The following RNF169 variants were observed in gnomAD, a reference collection of about 807,000 sequenced individuals.
RNF169 encodes ring finger protein 169.
A neutral mutation model predicts 53.9 loss-of-function variants in RNF169; 24 were observed. The observed-to-expected ratio is 0.45, with a 90% CI of 0.32 to 0.63. The LOEUF is 0.63. RNF169 is among the 20% of genes least tolerant of loss of function. The pLI is 0.04. For synonymous variants in RNF169, 396 were observed against 363.5 expected, an observed-to-expected ratio of 1.09 and a Z score of -1.02; for missense variants, 883 against 906.2, an observed-to-expected ratio of 0.97 and a Z score of 0.33.
Position 74,748,916 on chromosome 11 carries a change from C to T in RNF169, c.36C>T (p.Ser12=), listed in dbSNP as rs770749329. The part of the protein sequence containing the change: ...AAAGPSTRAS[S]AAAAAALSRR... ...CAGGTCCGAGTACTCGGGCCTCTTC[C>T]GCGGCGGCAGCAGCCGCTCTGAGTC... The change falls in exon 1 of 6, where the codon TCC becomes TCT. Residue 12 remains serine, a synonymous_variant. Transcript: ENST00000299563. The T allele has an allele frequency of 2.8e-6, 4 of 1,449,414 alleles. No homozygotes were observed. The highest frequency in any genetic ancestry group is 2.9e-5 in the East Asian group (1 of 34,502). 89.8% of individuals were successfully genotyped at this position (1,449,414 alleles called of 1,614,324 possible). A position where few individuals can be genotyped will look rare whatever the true frequency, so the allele number is the denominator to read the frequency against.
intron 2 of RNF169, among the ~76,000 whole-genome samples, chr11:74,809,974 G>A (rs2035853550): frequency 6.6e-6 from 1 of 152,202 alleles, no homozygotes; most frequent in South Asian, 2.1e-4. Context: ...AGAATGCAGA[G>A]CAGTTAAATC....
At position 74,835,707 on chromosome 11, in the gene RNF169, C is replaced by A; in HGVS notation, c.1104C>A (p.Ser368Arg). The A allele has an allele frequency of 6.2e-7, 1 of 1,614,172 alleles. No homozygotes were observed. Among genetic ancestry groups the A allele is most frequent in the South Asian group, 1.1e-5 (1 of 91,066 alleles). The change falls in exon 6 of 6, where the codon AGC (serine) becomes AGA (arginine). Residue 368 changes from serine (S) to arginine (R), a missense_variant. Ser to Arg is a moderately radical substitution (Grantham distance 110, BLOSUM62 -1). Transcript: ENST00000299563. Reference protein sequence around the residue: ...ASLHKPERSVSPESNDSISEE... With the variant: ...ASLHKPERSVRPESNDSISEE... ...TGCATAAGCCAGAGCGTTCTGTCAG[C>A]CCTGAGAGCAATGACAGCATCTCCG...
At chr11:74,757,271 GT>G (rs1281842182) in intron 1 of RNF169, among the ~76,000 whole-genome samples, 3 of 121,766 alleles carry the variant, frequency 2.5e-5, no homozygotes, top group Non-Finnish European at 5.0e-5. Context: ...TCTTGCGATA[GT>G]TTACTGAGAA....
intron 1 of RNF169, among the ~76,000 whole-genome samples, chr11:74,779,264 G>A (rs1226835359): frequency 6.6e-6 from 1 of 152,110 alleles, no homozygotes; most frequent in Non-Finnish European, 1.5e-5. Flanking sequence ...ATTTCTGTTT[G>A]ATTAGTACTT....
chr11:74,764,621 T>C (rs542838619), intron 1 of RNF169, among the ~76,000 whole-genome samples: 34 of 152,196 alleles, frequency 2.2e-4, no homozygotes, highest in African/African-American at 8.2e-4. Context: ...CTAAAGCATA[T>C]AGTGCAGGAA....
intron 1 of RNF169, among the ~76,000 whole-genome samples, chr11:74,755,170 C>A (rs945601772): frequency 5.9e-5 from 9 of 152,282 alleles, no homozygotes; most frequent in Non-Finnish European, 1.3e-4. Flanking sequence ...TTGAGAGTGT[C>A]CTTATGTGTT....
At chr11:74,827,768 T>A (rs981805912) in intron 4 of RNF169, among the ~76,000 whole-genome samples, 1 of 152,130 alleles carries the variant, frequency 6.6e-6, no homozygotes, top group Non-Finnish European at 1.5e-5. Context: ...TGGCCTTCGA[T>A]AAAATTCAGC....
At chr11:74,780,421 G>C (rs1591400423) in intron 1 of RNF169, among the ~76,000 whole-genome samples, 1 of 152,242 alleles carries the variant, frequency 6.6e-6, no homozygotes. Flanking sequence ...GCCTTTGCTT[G>C]TGAAGTTTCC....
chr11:74,811,191 C>T (rs772822300), intron 3 of RNF169, among the ~76,000 whole-genome samples: 12 of 151,924 alleles, frequency 7.9e-5, no homozygotes, highest in Non-Finnish European at 1.0e-4. Flanking sequence ...AGCATTGTAA[C>T]TGTTTGTACA....
chr11:74,821,423 C>T lies in RNF169; in HGVS notation c.842+3709C>T, dbSNP rs907722337. On this transcript the variant is annotated intron_variant, in intron 4 of 5. Transcript: ENST00000299563. ...CCTGTAATCCCAGCACTTTGGGAGG[C>T]CGAGGCGGGCGGATCACGAGGTCAG... Among the ~76,000 whole-genome samples the T allele has an allele frequency of 1.7e-4, 12 of 69,466 alleles. 1 individual carries two copies. Among genetic ancestry groups the T allele is most frequent in the Non-Finnish European group, 2.9e-4 (12 of 41,048 alleles). The allele number at this position is 69,466 out of a possible 152,430, so 45.6% of individuals were successfully genotyped here.
chr11:74,772,903 TC>T (rs2035281197), intron 1 of RNF169, among the ~76,000 whole-genome samples: 1 of 152,204 alleles, frequency 6.6e-6, no homozygotes. Flanking sequence ...TACTAAAAGT[TC>T]CAAAGCTATT....
intron 1 of RNF169, among the ~76,000 whole-genome samples, chr11:74,789,333 AT>A (rs1186365138): frequency 4.6e-5 from 7 of 152,154 alleles, no homozygotes; most frequent in Admixed American, 1.3e-4. Context: ...TGGGGAGACT[AT>A]TTTCTATAAC....
At position 74,789,660 on chromosome 11, in the gene RNF169, G is replaced by C. The variant is rs1321682617; in HGVS notation, c.537G>C (p.Lys179Asn). The change falls in exon 2 of 6, where the codon AAG (lysine) becomes AAC (asparagine). Residue 179 changes from lysine to asparagine, a missense_variant. By Grantham distance (94) the Lys-to-Asn change is moderately conservative. Around this residue, in one of 3 missense-constraint regions of RNF169, gnomAD observed 313 missense variants for 279.9 expected, o/e 1.12. Transcript: ENST00000299563. ...FIFRAPIKLSKPGELREEYES... is the reference protein window; with the variant it reads ...FIFRAPIKLSNPGELREEYES... ...TCAGAGCACCAATCAAATTAAGCAA[G>C]CCTGGGGAACTTCGTGAGGAATATG... 6.2e-7 allele frequency: 1 copy of C among 1,609,574 alleles called. No individual in the cohort carries two copies. The highest frequency in any genetic ancestry group is 1.1e-5 in the South Asian group (1 of 90,812).
chr11:74,830,875 GA>G (rs2036167724), intron 4 of RNF169: 1 of 152,034 alleles, frequency 6.6e-6, no homozygotes, highest in Non-Finnish European at 1.5e-5. Flanking sequence ...AGCATACGAA[GA>G]TCAATGTAAT....
intron 1 of RNF169, among the ~76,000 whole-genome samples, chr11:74,779,068 C>T (rs901877523): frequency 5.3e-5 from 8 of 152,160 alleles, no homozygotes; most frequent in African/African-American, 1.9e-4. Context: ...TAACCATTTT[C>T]TCAGTATTGG....
chr11:74,819,650 AGGAG>A (rs887331140), intron 4 of RNF169, among the ~76,000 whole-genome samples: 2 of 152,142 alleles, frequency 1.3e-5, no homozygotes, highest in Admixed American at 6.5e-5. Flanking sequence ...GAGGGCCTCT[AGGAG>A]GGAGGGCTCT....
chr11:74,804,015 A>G (rs144106937), intron 2 of RNF169, among the ~76,000 whole-genome samples: 3 of 152,298 alleles, frequency 2.0e-5, no homozygotes, highest in African/African-American at 7.2e-5. Context: ...TCATTTCATT[A>G]TGACATTGAT....
intron 1 of RNF169, among the ~76,000 whole-genome samples, chr11:74,749,720 T>C (rs573793950): frequency 6.6e-6 from 1 of 152,148 alleles, no homozygotes; most frequent in East Asian, 1.9e-4. Context: ...GTGCTTGGTT[T>C]AATGTTGGAT....
chr11:74,834,835 C>T (rs2036229704), intron 5 of RNF169, 60 bp downstream of exon 5: 2 of 1,117,404 alleles, frequency 1.8e-6, no homozygotes, highest in African/African-American at 1.6e-5. Context: ...CCCCTCTGCA[C>T]ATGGTCATGA....
Sources: gnomAD v4.1 joint callset for allele counts (sites outside exome capture counted in the v4.1 genomes callset) on GRCh38, gnomAD v4.1.1 for gene constraint, gnomAD v4.1.1 regional missense constraint, MANE v1.5 for transcripts, NCBI Gene and HGNC (gene_info 2026-07-23, HGNC 2026-07-21) for gene names.